Variants in ADGRA3 observed in about 807,000 individuals in gnomAD.
The protein encoded by ADGRA3 is G-protein coupled receptor 125.
Under a neutral mutation model 119.8 loss-of-function variants are expected in ADGRA3, and 56 were observed. That is an observed-to-expected ratio of 0.47 (90% CI 0.38 to 0.58). The LOEUF (loss-of-function observed/expected upper bound fraction) is 0.58, where lower values mean the gene tolerates loss of function less well. Ranked by LOEUF, ADGRA3 falls within the 20% of genes least tolerant of loss-of-function variation. ADGRA3 has a pLI of 0.00. For missense variants in ADGRA3, 1,516 were observed against 1,649.0 expected, an observed-to-expected ratio of 0.92 and a Z score of 1.40; for synonymous variants, 607 against 623.8, an observed-to-expected ratio of 0.97 and a Z score of 0.40.
intron 3 of ADGRA3, among the ~76,000 whole-genome samples, chr4:22,460,644 A>G (rs1005880097): frequency 6.6e-6 from 1 of 152,206 alleles, no homozygotes; most frequent in Non-Finnish European, 1.5e-5. Context: ...TTGAAATGCT[A>G]CATAAGCCAG....
At chr4:22,419,694 C>T (rs1368820328) in intron 12 of ADGRA3, among the ~76,000 whole-genome samples, 1 of 152,128 alleles carries the variant, frequency 6.6e-6, no homozygotes, top group African/African-American at 2.4e-5. Context: ...TCAAAAAACA[C>T]ACCTTTCTCT....
chr4:22,513,709 G>A (rs1242346064), intron 1 of ADGRA3, among the ~76,000 whole-genome samples: 18 of 143,658 alleles, frequency 1.3e-4, no homozygotes, highest in South Asian at 4.5e-4. Context: ...ACAGGGTTTC[G>A]TCAAGTTGGC....
At chr4:22,431,678 A>C (rs1246967351) in intron 10 of ADGRA3, among the ~76,000 whole-genome samples, 1 of 152,152 alleles carries the variant, frequency 6.6e-6, no homozygotes, top group Non-Finnish European at 1.5e-5. Flanking sequence ...AGATGTGCTG[A>C]ACTGTGAGTC....
rs1437145018 is a variant in ADGRA3 at position 22,447,906 on chromosome 4, TAAC to T, written c.474-398_474-396del. Among the ~76,000 whole-genome samples, 6 of 152,016 alleles carry T rather than the reference TAAC, an allele frequency of 3.9e-5. No individual in the cohort carries two copies. The East Asian group carries it at 1.2e-3, about 29-fold the overall frequency. On this transcript the variant is annotated intron_variant, in intron 4 of 18. Transcript: ENST00000334304. ...AATAAATAATTAAAACTTTAAAAAA[TAAC>T]AAAAGGAAAAGGATGGCCTCAATGA...
chr4:22,454,886 T>C lies in ADGRA3; in HGVS notation c.453A>G (p.Gly151=), dbSNP rs1717186629. ...CTTACAGCCGAACCAGATTGGTGAG[T>C]CCTCGAAATATGTCTGCATTCAGAC... ...IGCLNADIFR[G]LTNLVRLNLS... The change falls in exon 4 of 19, where the codon GGA becomes GGG. Residue 151 remains glycine (G), a synonymous_variant. Coordinates refer to ENST00000334304, the MANE Select transcript of ADGRA3 (RefSeq NM_145290.4). 6.2e-7 allele frequency: 1 copy of C among 1,613,516 alleles called. No individual in the cohort carries two copies. The highest frequency in any genetic ancestry group is 8.5e-7 in the Non-Finnish European group (1 of 1,179,606).
chr4:22,389,114 ATTC>A lies in ADGRA3; in HGVS notation c.2694_2696del (p.Lys898del), dbSNP rs769115036. Reference sequence around the variant, plus strand: ...AGGGTGCGTTTGGCCGACTGCCGTAATTCTTAATGTTCGCTGCTGCAGTTATGC... The same window carrying A: ...AGGGTGCGTTTGGCCGACTGCCGTAATTAATGTTCGCTGCTGCAGTTATGC... On this transcript the variant is annotated inframe_deletion, in exon 18 of 19. Coordinates refer to ENST00000334304, the MANE Select transcript of ADGRA3 (RefSeq NM_145290.4). 2 of 1,613,974 alleles carry A rather than the reference ATTC, an allele frequency of 1.2e-6. No homozygotes were observed. Among genetic ancestry groups the A allele is most frequent in the Non-Finnish European group, 1.7e-6 (2 of 1,179,952 alleles).
chr4:22,457,004 T>C (rs1560327076), intron 3 of ADGRA3, among the ~76,000 whole-genome samples: 1 of 152,234 alleles, frequency 6.6e-6, no homozygotes. Flanking sequence ...TTGTAAATTG[T>C]TGCATAAACA....
intron 2 of ADGRA3, among the ~76,000 whole-genome samples, chr4:22,464,221 A>G (rs146717906): frequency 6.6e-6 from 1 of 152,348 alleles, no homozygotes; most frequent in African/African-American, 2.4e-5. Context: ...ATTAATCAGA[A>G]TTCTGAAAAC....
intron 1 of ADGRA3, among the ~76,000 whole-genome samples, chr4:22,508,008 C>T (rs1226562968): frequency 6.6e-6 from 1 of 152,196 alleles, no homozygotes. Flanking sequence ...CCAACTTTTC[C>T]TGCTCTTCCA....
intron 12 of ADGRA3, among the ~76,000 whole-genome samples, chr4:22,415,434 T>C (rs1003640610): frequency 1.3e-5 from 2 of 152,166 alleles, no homozygotes; most frequent in African/African-American, 2.4e-5. Context: ...AAAAGGTTCC[T>C]GCTATTCTCA....
At chr4:22,490,709 G>C (rs925854561) in intron 1 of ADGRA3, among the ~76,000 whole-genome samples, 21 of 152,110 alleles carry the variant, frequency 1.4e-4, no homozygotes, top group Non-Finnish European at 2.4e-4. Flanking sequence ...TCTGAACTTT[G>C]CTGTAAAAAG....
chr4:22,433,811 T>C (rs1168731959), intron 10 of ADGRA3, among the ~76,000 whole-genome samples: 2 of 152,096 alleles, frequency 1.3e-5, no homozygotes, highest in Non-Finnish European at 2.9e-5. Context: ...CACAATATAA[T>C]CACAGAGCCA....
intron 1 of ADGRA3, among the ~76,000 whole-genome samples, chr4:22,493,427 C>T (rs565904156): frequency 6.6e-6 from 1 of 152,300 alleles, no homozygotes; most frequent in South Asian, 2.1e-4. Context: ...GTGTCCCTTG[C>T]AACATAACAG....
intron 1 of ADGRA3, among the ~76,000 whole-genome samples, chr4:22,488,199 A>G (rs974319026): frequency 6.6e-6 from 1 of 152,260 alleles, no homozygotes; most frequent in Non-Finnish European, 1.5e-5. Flanking sequence ...GAATTGTTTC[A>G]TGGCTGCTTT....
In ADGRA3 at chr4:22,427,775, T is replaced by C. The variant is rs539225174; in HGVS notation, c.1444-3423A>G. On this transcript the variant is annotated intron_variant, in intron 10 of 18. Coordinates refer to ENST00000334304, the MANE Select transcript of ADGRA3 (RefSeq NM_145290.4). ...TGACACACAAAGCTCATTTAAAAAC[T>C]GCAACCAGTGTAAGGAGCATGCATC... 5.3e-5 allele frequency among the ~76,000 whole-genome samples: 8 copies of C among 152,292 alleles called. No individual in the cohort carries two copies. In the South Asian group the frequency reaches 1.7e-3, roughly 32 times the overall value.
chr4:22,409,621 AGAG>A (rs1409183068), intron 14 of ADGRA3, among the ~76,000 whole-genome samples: 2 of 152,164 alleles, frequency 1.3e-5, no homozygotes, highest in Non-Finnish European at 2.9e-5. Flanking sequence ...TAAAGACATC[AGAG>A]GAGTGGCTGA....
chr4:22,463,323 T>G (rs1717538929), intron 2 of ADGRA3, among the ~76,000 whole-genome samples: 1 of 152,206 alleles, frequency 6.6e-6, no homozygotes, highest in African/African-American at 2.4e-5. Flanking sequence ...CTTAGTCCCT[T>G]ACTTACTTGA....
intron 16 of ADGRA3, among the ~76,000 whole-genome samples, chr4:22,395,534 G>C (rs1425839529): frequency 6.6e-6 from 1 of 152,164 alleles, no homozygotes; most frequent in African/African-American, 2.4e-5. Context: ...CTAAGACTGA[G>C]AGAAGTCACC....
intron 1 of ADGRA3, among the ~76,000 whole-genome samples, chr4:22,485,122 C>T (rs1718391919): frequency 6.6e-6 from 1 of 152,144 alleles, no homozygotes; most frequent in Admixed American, 6.5e-5. Context: ...CGCTCTGTCA[C>T]CCACGCCGGC....
Sources: gnomAD v4.1 joint callset for allele counts (sites outside exome capture counted in the v4.1 genomes callset) on GRCh38, gnomAD v4.1.1 for gene constraint, MANE v1.5 for transcripts, NCBI Gene and HGNC (gene_info 2026-07-23, HGNC 2026-07-21) for gene names.